Variants in DOCK4 observed in about 807,000 individuals in gnomAD.
DOCK4 encodes dedicator of cytokinesis protein 4.
DOCK4 carries 97 observed loss-of-function variants against 268.1 expected under a neutral mutation model. The observed-to-expected ratio is 0.36, with a 90% CI of 0.31 to 0.43. DOCK4 has a LOEUF of 0.43. Ranked by LOEUF, DOCK4 falls within the 20% of genes least tolerant of loss-of-function variation. The probability of loss-of-function intolerance (pLI) is 1.00; values close to 1 mark genes in which losing one functional copy is unlikely to be tolerated. For synonymous variants in DOCK4, 954 were observed against 887.2 expected, an observed-to-expected ratio of 1.08 and a Z score of -1.34; for missense variants, 2,145 against 2,455.7, an observed-to-expected ratio of 0.87 and a Z score of 2.67.
At position 111,739,468 on chromosome 7, in the gene DOCK4, A is replaced by G. The variant is rs1294322338; in HGVS notation, c.5050T>C (p.Ser1684Pro). The change falls in exon 48 of 53, where the codon TCT becomes CCT. Residue 1684 changes from serine (S) to proline (P), a missense_variant. Physicochemically the swap from Ser to Pro is moderately conservative, Grantham distance 74. Around this residue, in one of 2 missense-constraint regions of DOCK4, gnomAD observed 547 missense variants for 469.0 expected, o/e 1.17. Transcript: ENST00000428084. ...TGAGTAGAACTCAAGCTTGAGGTAGATGGACTTGGCTGGAAACACACAGGG... is the reference window on the plus strand; with the variant it reads ...TGAGTAGAACTCAAGCTTGAGGTAGGTGGACTTGGCTGGAAACACACAGGG... ...DEVFNMQPSP[S>P]TSSLSSTHSA... 1.3e-6 allele frequency: 2 copies of G among 1,567,296 alleles called. No individual in the cohort carries two copies. The highest frequency in any genetic ancestry group is 3.8e-5 in the Admixed American group (2 of 52,582).
intron 10 of DOCK4, among the ~76,000 whole-genome samples, chr7:111,943,874 T>A (rs1477671005): frequency 6.6e-6 from 1 of 152,248 alleles, no homozygotes; most frequent in East Asian, 1.9e-4. Context: ...ACAATGCAGT[T>A]ATCGTGTACA....
chr7:111,926,984 G>A (rs17159014), intron 12 of DOCK4, among the ~76,000 whole-genome samples: 8,334 of 151,772 alleles, frequency 0.055, 467 homozygotes, highest in East Asian at 0.33. Context: ...TCATACCTTG[G>A]TTTCTGAGTT....
chr7:111,909,495 T>C (rs1387997389), intron 13 of DOCK4, among the ~76,000 whole-genome samples: 1 of 152,236 alleles, frequency 6.6e-6, no homozygotes, highest in Non-Finnish European at 1.5e-5. Flanking sequence ...TGCAGCACTA[T>C]TTATAATAGC....
intron 1 of DOCK4, among the ~76,000 whole-genome samples, chr7:112,197,196 A>T (rs1820525538): frequency 6.6e-6 from 1 of 152,094 alleles, no homozygotes; most frequent in Admixed American, 6.5e-5. Context: ...TAGTGCCATC[A>T]TAAGCTAGAA....
intron 42 of DOCK4, among the ~76,000 whole-genome samples, chr7:111,750,213 G>A (rs1796540878): frequency 6.6e-6 from 1 of 152,282 alleles, no homozygotes; most frequent in Non-Finnish European, 1.5e-5. Flanking sequence ...AAAGTATCTG[G>A]CCTGTGATCC....
chr7:112,109,870 A>C (rs921402493), intron 1 of DOCK4, among the ~76,000 whole-genome samples: 3 of 149,460 alleles, frequency 2.0e-5, no homozygotes, highest in South Asian at 2.1e-4. Context: ...TCAGCCTCCC[A>C]AGTAGCTGGG....
chr7:111,911,212 T>C (rs7810960), intron 13 of DOCK4, among the ~76,000 whole-genome samples: 27,860 of 152,088 alleles, frequency 0.18, 2,611 homozygotes, highest in Non-Finnish European at 0.22. Context: ...AAAATTATGC[T>C]TGCAGACGGT....
At chr7:112,003,023 C>A (rs1800555599) in intron 2 of DOCK4, among the ~76,000 whole-genome samples, 1 of 137,416 alleles carries the variant, frequency 7.3e-6, no homozygotes. Flanking sequence ...TGAACTCCAG[C>A]ATGGGTGACA....
At chr7:111,775,892 G>C (rs1355446533) in intron 36 of DOCK4, among the ~76,000 whole-genome samples, 2 of 152,142 alleles carry the variant, frequency 1.3e-5, no homozygotes, top group Non-Finnish European at 2.9e-5. Flanking sequence ...TATAGCCAGA[G>C]TACTAGGAAA....
chr7:112,163,531 CG>C (rs1355081631), intron 1 of DOCK4, among the ~76,000 whole-genome samples: 1 of 152,126 alleles, frequency 6.6e-6, no homozygotes, highest in Non-Finnish European at 1.5e-5. Context: ...GGTTGTCTTT[CG>C]GTTGTGTGCA....
chr7:111,914,158 C>A (rs554080901), intron 13 of DOCK4, among the ~76,000 whole-genome samples: 1 of 152,124 alleles, frequency 6.6e-6, no homozygotes, highest in Non-Finnish European at 1.5e-5. Context: ...CGGGTTACAG[C>A]GTGTCTCTGC....
intron 37 of DOCK4, among the ~76,000 whole-genome samples, chr7:111,768,078 G>A (rs1797874683): frequency 6.6e-6 from 1 of 152,156 alleles, no homozygotes; most frequent in Admixed American, 6.5e-5. Context: ...ACACTAAAAT[G>A]TGCATTTCAT....
At position 111,753,011 on chromosome 7, in the gene DOCK4, G is replaced by C. The variant is rs949906578; in HGVS notation, c.4416+2504C>G. Among the ~76,000 whole-genome samples the C allele has an allele frequency of 1.7e-4, 24 of 144,514 alleles. 1 individual carries two copies. The highest frequency in any genetic ancestry group is 6.1e-4 in the African/African-American group (24 of 39,534). The allele number at this position is 144,514 out of a possible 152,430, so 94.8% of individuals were successfully genotyped here. The stretch of plus-strand genomic sequence containing the variant: ...ACAAAAGTTGATAAGCTATTGGGGG[G>C]GGGGTCTGTGATTTAGAAAATAAAG... On this transcript the variant is annotated intron_variant, in intron 42 of 52. Coordinates refer to ENST00000428084, the MANE Select transcript of DOCK4 (RefSeq NM_001363540.2).
At chr7:112,164,778 TA>T (rs1429846806) in intron 1 of DOCK4, among the ~76,000 whole-genome samples, 1 of 152,218 alleles carries the variant, frequency 6.6e-6, no homozygotes, top group Non-Finnish European at 1.5e-5. Context: ...TGGGTACTGT[TA>T]TTTCATCACA....
Position 111,872,250 on chromosome 7 carries a change from TA to T in DOCK4, c.1926+18del. On this transcript the variant is annotated intron_variant, in intron 19 of 52. Coordinates refer to ENST00000428084, the MANE Select transcript of DOCK4 (RefSeq NM_001363540.2). ...AGAGACAAAACAGTTAAAATACAATTAAGGGAATTTGAACTTACCAAAGAAT... is the reference window on the plus strand; with the variant it reads ...AGAGACAAAACAGTTAAAATACAATTAGGGAATTTGAACTTACCAAAGAAT... 6.7e-7 allele frequency: 1 copy of T among 1,499,384 alleles called. No homozygotes were observed. Among genetic ancestry groups the T allele is most frequent in the Admixed American group, 2.2e-5 (1 of 45,380 alleles). The allele number at this position is 1,499,384 out of a possible 1,614,324, so 92.9% of individuals were successfully genotyped here. A position where few individuals can be genotyped will look rare whatever the true frequency, so the allele number is the denominator to read the frequency against.
chr7:112,197,744 A>G (rs1363031109), intron 1 of DOCK4, among the ~76,000 whole-genome samples: 4 of 152,200 alleles, frequency 2.6e-5, no homozygotes, highest in African/African-American at 9.7e-5. Context: ...TCAAAGTCAA[A>G]GCAATTAGCG....
At chr7:111,944,695 T>G in intron 10 of DOCK4, 116 bp downstream of exon 10, 1 of 1,010,786 alleles carries the variant, frequency 9.9e-7, no homozygotes. Flanking sequence ...TGGATTCAAA[T>G]CTGGCTTTGA....
chr7:111,974,393 G>A (rs892493579), intron 8 of DOCK4, among the ~76,000 whole-genome samples: 3 of 151,924 alleles, frequency 2.0e-5, no homozygotes, highest in African/African-American at 7.3e-5. Context: ...TGAGAGGTGA[G>A]AGCCACAGAT....
chr7:111,898,177 T>C (rs558395851), intron 15 of DOCK4, among the ~76,000 whole-genome samples: 1 of 152,320 alleles, frequency 6.6e-6, no homozygotes, highest in South Asian at 2.1e-4. Context: ...TAAAAGACTA[T>C]ACAAGATCTG....
Sources: allele counts gnomAD v4.1 joint callset (sites outside exome capture counted in the v4.1 genomes callset), GRCh38; gene constraint gnomAD v4.1.1; regional missense constraint gnomAD v4.1.1; transcripts MANE v1.5; gene names NCBI Gene and HGNC (gene_info 2026-07-23, HGNC 2026-07-21).